Variants in STARD9 observed in about 807,000 individuals in gnomAD.
STARD9 encodes StAR related lipid transfer domain containing 9.
STARD9 carries 346 observed loss-of-function variants against 399.8 expected under a neutral mutation model. That is an observed-to-expected ratio of 0.87 (90% CI 0.79 to 0.95). The LOEUF (loss-of-function observed/expected upper bound fraction) is 0.95. STARD9 is among the 40% of genes least tolerant of loss of function. The pLI, the probability that STARD9 is intolerant of heterozygous loss-of-function variation, is 0.00. For missense variants in STARD9, 5,832 were observed against 5,667.5 expected, an observed-to-expected ratio of 1.03 and a Z score of -0.93; for synonymous variants, 2,203 against 2,143.5, an observed-to-expected ratio of 1.03 and a Z score of -0.77.
intron 3 of STARD9, among the ~76,000 whole-genome samples, chr15:42,618,100 A>G (rs1054031892): frequency 7.3e-5 from 11 of 151,232 alleles, no homozygotes; most frequent in Admixed American, 2.0e-4. Context: ...TTAGTAGTAT[A>G]CTTTTATTAT....
In STARD9 at chr15:42,720,144, T is replaced by G. The variant is rs2061425860; in HGVS notation, c.*570T>G. ...CCCTCTTGAGTTTTTGCAAAATACT[T>G]TATTATTGATTTTTGCTTTTTTTCT... is the stretch of plus-strand genomic sequence containing the variant. On this transcript the variant is annotated 3_prime_UTR_variant, in exon 33 of 33. Transcript: ENST00000290607. The G allele has an allele frequency of 6.6e-6, 1 of 152,306 alleles. No individual in the cohort carries two copies. Among genetic ancestry groups the G allele is most frequent in the Non-Finnish European group, 1.5e-5 (1 of 68,136 alleles). 9.4% of individuals were successfully genotyped at this position (152,306 alleles called of 1,614,324 possible). A position where few individuals can be genotyped will look rare whatever the true frequency, so the allele number is the denominator to read the frequency against.
chr15:42,622,398 C>G (rs972175803), intron 3 of STARD9, among the ~76,000 whole-genome samples: 2 of 152,156 alleles, frequency 1.3e-5, no homozygotes, highest in Admixed American at 6.5e-5. Flanking sequence ...GACAGGGTCT[C>G]ACTTTGTTGC....
chr15:42,717,211 G>A (rs559353595), intron 28 of STARD9, among the ~76,000 whole-genome samples, 163 bp downstream of exon 28: 5 of 152,250 alleles, frequency 3.3e-5, no homozygotes, highest in Admixed American at 2.6e-4. Context: ...CGGGTCAGGC[G>A]CAGTAGCTCA....
chr15:42,687,952 T>A lies in STARD9; in HGVS notation c.6374T>A (p.Phe2125Tyr). Residue 2125 changes from phenylalanine (F) to tyrosine (Y), a missense_variant, in exon 23 of 33, where the codon TTT becomes TAT. Phe to Tyr is a conservative substitution (Grantham distance 22). Coordinates refer to ENST00000290607, the MANE Select transcript of STARD9 (RefSeq NM_020759.3). The stretch of plus-strand genomic sequence containing the variant: ...CCAAGACAGACAGATGATACTGTCT[T>A]TAGGGATAGTGAAGCTGGAGCGATG... ...SSPRQTDDTV[F>Y]RDSEAGAMEV... The A allele has an allele frequency of 2.0e-6, 3 of 1,537,352 alleles. No individual in the cohort carries two copies. The highest frequency in any genetic ancestry group is 2.6e-6 in the Non-Finnish European group (3 of 1,146,962).
chr15:42,690,149 G>T lies in STARD9; in HGVS notation c.8571G>T (p.Leu2857=), dbSNP rs1303488745. 11 of 1,537,692 alleles carry T rather than the reference G, an allele frequency of 7.2e-6. No homozygotes were observed. Among genetic ancestry groups the T allele is most frequent in the South Asian group, 1.2e-5 (1 of 84,064 alleles). Residue 2857 remains leucine, a synonymous_variant, in exon 23 of 33, where the codon CTG becomes CTT. Coordinates refer to ENST00000290607, the MANE Select transcript of STARD9 (RefSeq NM_020759.3). ...GRASPKQDTI[L]PGALTRVALE... ...CAAGTCCCAAACAAGATACCATTCT[G>T]CCTGGAGCTCTGACAAGGGTTGCAC...
chr15:42,620,838 T>C (rs1424388809), intron 3 of STARD9, among the ~76,000 whole-genome samples: 1 of 152,058 alleles, frequency 6.6e-6, no homozygotes, highest in Non-Finnish European at 1.5e-5. Context: ...CACTGCAACC[T>C]CCACCTCCAA....
chr15:42,589,299 G>A (rs527467372), intron 3 of STARD9, among the ~76,000 whole-genome samples: 6 of 152,144 alleles, frequency 3.9e-5, no homozygotes, highest in South Asian at 2.1e-4. Flanking sequence ...TGATCCTCCC[G>A]CCTTGGCTTC....
In STARD9 at chr15:42,686,736, C is replaced by T; in HGVS notation, c.5158C>T (p.Pro1720Ser). The T allele has an allele frequency of 6.5e-7, 1 of 1,537,572 alleles. No homozygotes were observed. The highest frequency in any genetic ancestry group is 1.2e-5 in the South Asian group (1 of 84,054). The change falls in exon 23 of 33, where the codon CCT becomes TCT. Residue 1720 changes from proline (P) to serine (S), a missense_variant. By Grantham distance (74) the Pro-to-Ser change is moderately conservative. This residue lies in a region of STARD9 where 5,828 missense variants were observed against 5,651.1 expected (regional missense o/e 1.03). Transcript: ENST00000290607. ...RRHINVSFAL[P>S]SGPELYLHSA... ...ACACATAAATGTTTCCTTTGCCCTT[C>T]CTTCAGGTCCAGAGCTATACCTTCA...
At chr15:42,710,268 GCC>G (rs2061184996) in intron 26 of STARD9, among the ~76,000 whole-genome samples, 1 of 150,636 alleles carries the variant, frequency 6.6e-6, no homozygotes, top group South Asian at 2.1e-4. Flanking sequence ...TTACCATGTT[GCC>G]CAGGCTGGTG....
At position 42,686,906 on chromosome 15, in the gene STARD9, C is replaced by G; in HGVS notation, c.5328C>G (p.Pro1776=). 2 of 1,536,814 alleles carry G rather than the reference C, an allele frequency of 1.3e-6. No individual in the cohort carries two copies. The highest frequency in any genetic ancestry group is 1.7e-6 in the Non-Finnish European group (2 of 1,146,850). ...CREVRVPSPP[P]REAWGFGHNH... ...AAGTAAGGGTACCCTCCCCACCCCC[C>G]AGGGAAGCCTGGGGCTTTGGTCACA... The change falls in exon 23 of 33, where the codon CCC becomes CCG. Residue 1776 remains proline, a synonymous_variant. Coordinates refer to ENST00000290607, the MANE Select transcript of STARD9 (RefSeq NM_020759.3).
At chr15:42,640,286 C>T (rs1390934884) in intron 7 of STARD9, among the ~76,000 whole-genome samples, 2 of 152,162 alleles carry the variant, frequency 1.3e-5, no homozygotes, top group African/African-American at 2.4e-5. Flanking sequence ...TTTCTCTGGT[C>T]AGGGCATGGC....
rs529248509 is a variant in STARD9, at chr15:42,708,486, C to G, written c.13285-8191C>G. 6.9e-4 allele frequency among the ~76,000 whole-genome samples: 105 copies of G among 152,302 alleles called. 2 individuals are homozygous for G. The South Asian group carries it at 0.022, about 32-fold the overall frequency. On this transcript the variant is annotated intron_variant, in intron 26 of 32. Transcript: ENST00000290607. ...CTTAAATATTCAGTATCTAGCTCCC[C>G]ACAGAAAAAGTTTTGCCAGCCTTTG... is the stretch of plus-strand genomic sequence containing the variant.
rs1350628100 is a variant in STARD9, at chr15:42,718,168, G to T, written c.13751G>T (p.Ser4584Ile). The T allele has an allele frequency of 8.5e-6, 13 of 1,536,776 alleles. No individual in the cohort carries two copies. Among genetic ancestry groups the T allele is most frequent in the Non-Finnish European group, 8.7e-6 (10 of 1,146,830 alleles). ...TARLHQRVTN[S>I]ISLVYLVCNT... ...AGGCTGCATCAGCGAGTGACCAACA[G>T]CATCAGCCTGGGTGAGCCCAGGGAA... Residue 4584 changes from serine to isoleucine, a missense_variant, in exon 30 of 33, where the codon AGC (serine) becomes ATC (isoleucine). This residue lies in a region of STARD9 where 5,828 missense variants were observed against 5,651.1 expected (regional missense o/e 1.03). Transcript: ENST00000290607.
intron 3 of STARD9, among the ~76,000 whole-genome samples, chr15:42,611,508 C>G (rs1037343798): frequency 6.6e-6 from 1 of 152,166 alleles, no homozygotes; most frequent in Non-Finnish European, 1.5e-5. Flanking sequence ...ATCCTTTAGA[C>G]AGAGACACAG....
At position 42,687,842 on chromosome 15, in the gene STARD9, C is replaced by T; in HGVS notation, c.6264C>T (p.Asp2088=). The change falls in exon 23 of 33, where the codon GAC becomes GAT. Residue 2088 remains aspartate (D), a synonymous_variant. Transcript: ENST00000290607. ...PGTDKELVFQ[D]QKEQEKTDHA... The stretch of plus-strand genomic sequence containing the variant: ...CCGATAAGGAGTTGGTGTTCCAGGA[C>T]CAGAAGGAGCAGGAGAAGACTGACC... 1 of 1,537,316 alleles carries T rather than the reference C, an allele frequency of 6.5e-7. No homozygotes were observed. The highest frequency in any genetic ancestry group is 2.4e-5 in the East Asian group (1 of 40,922).
chr15:42,657,012 T>A (rs1414552402), intron 9 of STARD9, among the ~76,000 whole-genome samples: 1 of 152,074 alleles, frequency 6.6e-6, no homozygotes, highest in Non-Finnish European at 1.5e-5. Context: ...TTGAAATTTT[T>A]AAAAAAGTAA....
chr15:42,682,394 AAG>A lies in STARD9; in HGVS notation c.2360_2361del (p.Arg787ThrfsTer13). ...IKKQRLLEAQ[K>X]RLEKLTTLCW... Reference sequence around the variant, plus strand: ...AAAGCAGAGGCTGCTGGAGGCCCAGAAGAGACTGGAGAAGCTCACGACATTGT... The same window carrying A: ...AAAGCAGAGGCTGCTGGAGGCCCAGAAGACTGGAGAAGCTCACGACATTGT... On this transcript the variant is annotated frameshift_variant, in exon 22 of 33. Coordinates refer to ENST00000290607, the MANE Select transcript of STARD9 (RefSeq NM_020759.3). LOFTEE classifies it high-confidence loss of function. 1 of 1,537,260 alleles carries A rather than the reference AAG, an allele frequency of 6.5e-7. No individual in the cohort carries two copies. Among genetic ancestry groups the A allele is most frequent in the Non-Finnish European group, 8.7e-7 (1 of 1,146,910 alleles).
intron 3 of STARD9, among the ~76,000 whole-genome samples, chr15:42,586,747 G>A (rs1214270321): frequency 6.6e-6 from 1 of 152,090 alleles, no homozygotes; most frequent in African/African-American, 2.4e-5. Context: ...ATATTTTTGG[G>A]GAAACCTGGA....
At chr15:42,642,611 C>CT (rs907219325) in intron 7 of STARD9, among the ~76,000 whole-genome samples, 4 of 152,054 alleles carry the variant, frequency 2.6e-5, no homozygotes, top group South Asian at 4.2e-4. Flanking sequence ...GTTCTTGTGC[C>CT]TTTTTTTTCT....
Sources: allele counts gnomAD v4.1 joint callset (sites outside exome capture counted in the v4.1 genomes callset), GRCh38; gene constraint gnomAD v4.1.1; regional missense constraint gnomAD v4.1.1; transcripts MANE v1.5; gene names NCBI Gene and HGNC (gene_info 2026-07-23, HGNC 2026-07-21).